CYP2C19: variants seen among roughly 807,000 people sequenced by gnomAD.
CYP2C19 encodes cytochrome P450 family 2 subfamily C member 19.
A neutral mutation model predicts 40.9 loss-of-function variants in CYP2C19; 59 were observed. That is an observed-to-expected ratio of 1.44 (90% CI 1.17 to 1.79). The LOEUF is 1.79. CYP2C19 is among the 40% of genes most tolerant of loss of function. The pLI is 0.00. For synonymous variants in CYP2C19, 253 were observed against 208.7 expected (o/e 1.21, Z -1.83); for missense variants, 754 against 596.9 (o/e 1.26, Z -2.74).
intron 3 of CYP2C19, among the ~76,000 whole-genome samples, chr10:94,779,825 G>T (rs1218183504): frequency 2.0e-5 from 3 of 152,034 alleles, no homozygotes; most frequent in African/African-American, 4.8e-5. Context: ...CTCCCAAAGT[G>T]CTGGGATTAC....
intron 5 of CYP2C19, among the ~76,000 whole-genome samples, chr10:94,788,156 T>C (rs541485798): frequency 7.1e-4 from 108 of 151,550 alleles, no homozygotes; most frequent in African/African-American, 2.5e-3. Flanking sequence ...TGGGATGGCA[T>C]TCTTGATTTG....
chr10:94,802,304 A>T (rs1303223705), intron 5 of CYP2C19, among the ~76,000 whole-genome samples: 1 of 152,190 alleles, frequency 6.6e-6, no homozygotes. Context: ...CCAGAAGTCC[A>T]GCTGGCTTCA....
chr10:94,828,083 A>G (rs1036347457), intron 6 of CYP2C19, among the ~76,000 whole-genome samples: 4 of 152,076 alleles, frequency 2.6e-5, no homozygotes, highest in African/African-American at 9.7e-5. Flanking sequence ...TTTACTTCCA[A>G]CTATGTGGTC....
In CYP2C19 at chr10:94,832,710, T is replaced by G. The variant is rs536724515; in HGVS notation, c.962-10127T>G. 3.1e-3 allele frequency among the ~76,000 whole-genome samples: 468 copies of G among 152,116 alleles called. 2 individuals carry two copies. Among genetic ancestry groups the G allele is most frequent in the African/African-American group, 0.011 (445 of 41,538 alleles). Reference sequence around the variant, plus strand: ...TGAGATAATGTGATTCCTCCAGTTTTGTTTTTTTTGCTTATGATAGTTTTG... The same window carrying G: ...TGAGATAATGTGATTCCTCCAGTTTGGTTTTTTTTGCTTATGATAGTTTTG... On this transcript the variant is annotated intron_variant, in intron 6 of 8. Coordinates refer to ENST00000371321, the MANE Select transcript of CYP2C19 (RefSeq NM_000769.4).
At chr10:94,809,508 C>A (rs962038618) in intron 5 of CYP2C19, among the ~76,000 whole-genome samples, 1 of 152,082 alleles carries the variant, frequency 6.6e-6, no homozygotes, top group African/African-American at 2.4e-5. Context: ...AATCTGCAAA[C>A]AGACAAAATT....
chr10:94,802,887 T>C (rs1848786056), intron 5 of CYP2C19, among the ~76,000 whole-genome samples: 1 of 152,152 alleles, frequency 6.6e-6, no homozygotes, highest in Admixed American at 6.6e-5. Flanking sequence ...AAAATTATTA[T>C]TTTTTTAAGA....
At chr10:94,806,389 G>T (rs1422977815) in intron 5 of CYP2C19, among the ~76,000 whole-genome samples, 1 of 151,946 alleles carries the variant, frequency 6.6e-6, no homozygotes. Context: ...TCTTTGATGT[G>T]CTGCTTTCAA....
rs28399505 is a variant in CYP2C19 at position 94,775,110 on chromosome 10, T to C, written c.221T>C (p.Met74Thr). The C allele has an allele frequency of 3.5e-5, 56 of 1,614,102 alleles. 1 individual carries two copies. In the East Asian group the frequency reaches 4.7e-4, roughly 13 times the overall value. Residue 74 changes from methionine to threonine, a missense_variant, in exon 2 of 9, where the codon ATG (methionine) becomes ACG (threonine). Physicochemically the swap from Met to Thr is moderately conservative, Grantham distance 81. Coordinates refer to ENST00000371321, the MANE Select transcript of CYP2C19 (RefSeq NM_000769.4). ...VFTLYFGLER[M>T]VVLHGYEVVK... Reference sequence around the variant, plus strand: ...ACTCTGTATTTTGGCCTGGAACGCATGGTGGTGCTGCATGGATATGAAGTG... The same window carrying C: ...ACTCTGTATTTTGGCCTGGAACGCACGGTGGTGCTGCATGGATATGAAGTG...
At chr10:94,803,750 G>T (rs1226847040) in intron 5 of CYP2C19, among the ~76,000 whole-genome samples, 2 of 152,166 alleles carry the variant, frequency 1.3e-5, no homozygotes, top group East Asian at 3.9e-4. Flanking sequence ...TCTAATCCAG[G>T]TGAGTGGATG....
rs936434729 is a variant in CYP2C19 at position 94,853,563 on chromosome 10, T to A, written c.*649T>A. 1.3e-5 allele frequency among the ~76,000 whole-genome samples: 2 copies of A among 151,208 alleles called. No individual in the cohort carries two copies. Among genetic ancestry groups the A allele is most frequent in the Admixed American group, 6.6e-5 (1 of 15,198 alleles). On this transcript the variant is annotated 3_prime_UTR_variant, in exon 9 of 9. Coordinates refer to ENST00000371321, the MANE Select transcript of CYP2C19 (RefSeq NM_000769.4). ...TTGGTGTTCCTTTTTTTTTTTTTTT[T>A]GAGACAATGTCTCACTCTGTCTCCC...
intron 5 of CYP2C19, among the ~76,000 whole-genome samples, chr10:94,795,652 C>A (rs1017079488): frequency 2.0e-5 from 3 of 152,134 alleles, no homozygotes; most frequent in Admixed American, 6.5e-5. Flanking sequence ...TCTCCATATC[C>A]TCTCCAGCAC....
intron 5 of CYP2C19, among the ~76,000 whole-genome samples, chr10:94,784,618 T>C (rs777570680): frequency 6.6e-6 from 1 of 152,024 alleles, no homozygotes; most frequent in Non-Finnish European, 1.5e-5. Context: ...TATTTATTTA[T>C]TTATTTATTT....
intron 6 of CYP2C19, among the ~76,000 whole-genome samples, chr10:94,835,814 G>A (rs940543142): frequency 2.0e-5 from 3 of 152,178 alleles, no homozygotes; most frequent in East Asian, 1.9e-4. Context: ...TCTAGTGCCC[G>A]AGTGAGGGCT....
At chr10:94,826,089 T>G (rs1228627561) in intron 6 of CYP2C19, among the ~76,000 whole-genome samples, 2 of 151,904 alleles carry the variant, frequency 1.3e-5, no homozygotes, top group African/African-American at 4.8e-5. Flanking sequence ...AGTCAGGTAG[T>G]GTGATGCCTC....
intron 5 of CYP2C19, among the ~76,000 whole-genome samples, chr10:94,802,213 T>C (rs1157505602): frequency 6.6e-6 from 1 of 152,116 alleles, no homozygotes. Context: ...GAGCACTGAT[T>C]TGTGTTTTTT....
chr10:94,850,151 G>C, intron 8 of CYP2C19, 93 bp downstream of exon 8: 1 of 1,395,668 alleles, frequency 7.2e-7, no homozygotes, highest in South Asian at 1.2e-5. Flanking sequence ...CAGTGGTACA[G>C]TTACTCTTTG....
At chr10:94,851,993 C>T (rs1849660387) in intron 8 of CYP2C19, among the ~76,000 whole-genome samples, 1 of 152,172 alleles carries the variant, frequency 6.6e-6, no homozygotes, top group South Asian at 2.1e-4. Flanking sequence ...TAAAATTTGA[C>T]CTATGTCCTG....
intron 5 of CYP2C19, among the ~76,000 whole-genome samples, chr10:94,804,758 G>T (rs950019307): frequency 5.3e-5 from 8 of 152,070 alleles, no homozygotes; most frequent in Admixed American, 2.6e-4. Context: ...TGTCTTTCAC[G>T]ATTTCTGTGG....
chr10:94,795,011 A>T lies in CYP2C19; in HGVS notation c.819+13014A>T, dbSNP rs1211795479. Reference sequence around the variant, plus strand: ...GTTTTCTTTATATATGTAAATATATATATATTTTTATACTTTAAGTTGTAG... The same window carrying T: ...GTTTTCTTTATATATGTAAATATATTTATATTTTTATACTTTAAGTTGTAG... On this transcript the variant is annotated intron_variant, in intron 5 of 8. Coordinates refer to ENST00000371321, the MANE Select transcript of CYP2C19 (RefSeq NM_000769.4). 2.0e-5 allele frequency among the ~76,000 whole-genome samples: 3 copies of T among 151,802 alleles called. No individual in the cohort carries two copies. The South Asian group carries it at 6.2e-4, about 32-fold the overall frequency.
Sources: gnomAD v4.1 joint callset for allele counts (sites outside exome capture counted in the v4.1 genomes callset) on GRCh38, gnomAD v4.1.1 for gene constraint, MANE v1.5 for transcripts, NCBI Gene and HGNC (gene_info 2026-07-23, HGNC 2026-07-21) for gene names.